KCNH2: variants seen among roughly 807,000 people sequenced by gnomAD.
KCNH2 encodes the protein potassium voltage-gated channel subfamily H member 2.
Under a neutral mutation model 95.9 loss-of-function variants are expected in KCNH2, and 35 were observed. That is an observed-to-expected ratio of 0.37 (90% CI 0.28 to 0.48). KCNH2 has a LOEUF of 0.48. KCNH2 is among the 20% of genes least tolerant of loss of function. The probability of loss-of-function intolerance (pLI) is 0.99; values close to 1 mark genes in which losing one functional copy is unlikely to be tolerated. For missense variants in KCNH2, 1,274 were observed against 1,702.9 expected (o/e 0.75, Z 4.43); for synonymous variants, 786 against 754.7 (o/e 1.04, Z -0.68).
rs906247314 is a variant in KCNH2, at chr7:150,952,191, G to T, written c.1557+234C>A. ...AATTAGAAAAAAAGGTGTCCTGTGT[G>T]GCCCTCTGCAACCTGCGAGGAGCTT... is the stretch of plus-strand genomic sequence containing the variant. On this transcript the variant is annotated intron_variant, in intron 6 of 14. Coordinates refer to ENST00000262186, the MANE Select transcript of KCNH2 (RefSeq NM_000238.4). This position sits in a 1 kb window ranked among gnomAD's most constrained non-coding sequence, Gnocchi z 7.3. 6.6e-6 allele frequency among the ~76,000 whole-genome samples: 1 copy of T among 152,222 alleles called. No individual in the cohort carries two copies. Among genetic ancestry groups the T allele is most frequent in the African/African-American group, 2.4e-5 (1 of 41,444 alleles).
chr7:150,966,055 G>T (rs952830730), intron 2 of KCNH2, among the ~76,000 whole-genome samples: 1 of 152,220 alleles, frequency 6.6e-6, no homozygotes, highest in African/African-American at 2.4e-5. Flanking sequence ...TGAGCACCCA[G>T]GAACCCAAGG....
chr7:150,950,444 C>T (rs1219013879), intron 8 of KCNH2, 24 bp from the exon 9 acceptor site: 1 of 1,609,096 alleles, frequency 6.2e-7, no homozygotes. Context: ...GGGGGCAGCT[C>T]AGCACACCCT....
chr7:150,972,609 A>G (rs1227795107), intron 2 of KCNH2, among the ~76,000 whole-genome samples: 1 of 152,240 alleles, frequency 6.6e-6, no homozygotes, highest in Admixed American at 6.5e-5. Flanking sequence ...AAGGGGACAG[A>G]CAGAGATTGC....
Position 150,951,519 on chromosome 7 carries a change from A to C in KCNH2, c.1874T>G (p.Val625Gly). Residue 625 changes from valine to glycine, a missense_variant, in exon 7 of 15, where the codon GTG (valine) becomes GGG (glycine). Physicochemically the swap from Val to Gly is moderately radical, Grantham distance 109 (BLOSUM62 -3). This residue lies in a region of KCNH2 where 147 missense variants were observed against 344.4 expected (regional missense o/e 0.43). Coordinates refer to ENST00000262186, the MANE Select transcript of KCNH2 (RefSeq NM_000238.4). ...LYFTFSSLTS[V>G]GFGNVSPNTN... ...GTTGGGAGAGACGTTGCCGAAGCCCACACTGGTGAGGCTGCTGAAGGTGAA... is the reference window on the plus strand; with the variant it reads ...GTTGGGAGAGACGTTGCCGAAGCCCCCACTGGTGAGGCTGCTGAAGGTGAA... 6.2e-7 allele frequency: 1 copy of C among 1,614,228 alleles called. No individual in the cohort carries two copies. Among genetic ancestry groups the C allele is most frequent in the Non-Finnish European group, 8.5e-7 (1 of 1,180,036 alleles).
rs1422642997 is a variant in KCNH2, at chr7:150,947,277, C to T, written c.3152+51G>A. The T allele has an allele frequency of 4.8e-6, 7 of 1,456,342 alleles. No homozygotes were observed. The South Asian group carries it at 7.4e-5, about 15-fold the overall frequency. The allele number at this position is 1,456,342 out of a possible 1,614,324, so 90.2% of individuals were successfully genotyped here. ...CCTCTACCAGACAACACCGCCAGGA[C>T]CTGGACCAGACTCCAGGGCGTGCCC... is the stretch of plus-strand genomic sequence containing the variant. On this transcript the variant is annotated intron_variant, in intron 13 of 14. Transcript: ENST00000262186.
At chr7:150,958,675 A>G (rs936596882) in intron 3 of KCNH2, among the ~76,000 whole-genome samples, 173 bp from the exon 4 acceptor site, 1 of 152,092 alleles carries the variant, frequency 6.6e-6, no homozygotes, top group African/African-American at 2.4e-5. Context: ...TCATTCTAGA[A>G]TCCAGTCATC....
At chr7:150,957,545 C>T (rs1215935696) in intron 4 of KCNH2, 43 bp from the exon 5 acceptor site, 1 of 1,485,332 alleles carries the variant, frequency 6.7e-7, no homozygotes. Flanking sequence ...GCCCAGGGCC[C>T]CAGGCCAGGC....
In KCNH2 at chr7:150,962,608, T is replaced by TAC. The variant is rs1478176119; in HGVS notation, c.308-2874_308-2873dup. Among the ~76,000 whole-genome samples, 4 of 109,784 alleles carry TAC rather than the reference T, an allele frequency of 3.6e-5. No homozygotes were observed. The highest frequency in any genetic ancestry group is 2.4e-4 in the East Asian group (1 of 4,148). The allele number at this position is 109,784 out of a possible 152,430, so 72.0% of individuals were successfully genotyped here. ...ACAGCACAAGCCTGTAACTCACACT[T>TAC]ACACACACACACGAGAGACAGAGAG... is the stretch of plus-strand genomic sequence containing the variant. On this transcript the variant is annotated intron_variant, in intron 2 of 14. Coordinates refer to ENST00000262186, the MANE Select transcript of KCNH2 (RefSeq NM_000238.4). The surrounding 1 kb of genome is among the most constrained non-coding windows in gnomAD (Gnocchi z 5.7).
intron 2 of KCNH2, 43 bp downstream of exon 2, chr7:150,974,666 CTT>C (rs755921614): frequency 1.4e-6 from 2 of 1,476,688 alleles, no homozygotes; most frequent in Admixed American, 3.9e-5. Context: ...TCCCGCCCCT[CTT>C]GACCCCGCCC....
In KCNH2 at chr7:150,962,627, CAG is replaced by C. The variant is rs41307331; in HGVS notation, c.308-2893_308-2892del. On this transcript the variant is annotated intron_variant, in intron 2 of 14. Transcript: ENST00000262186. This position sits in a 1 kb window ranked among gnomAD's most constrained non-coding sequence, Gnocchi z 5.7. ...CACACTTACACACACACACGAGAGA[CAG>C]AGAGAGAGAGAGAGAGAGAGAGAGG... 2.4e-3 allele frequency among the ~76,000 whole-genome samples: 351 copies of C among 146,032 alleles called. 2 individuals are homozygous for C. Among genetic ancestry groups the C allele is most frequent in the East Asian group, 5.5e-3 (27 of 4,942 alleles).
intron 12 of KCNH2, 22 bp downstream of exon 12, chr7:150,947,584 G>GGGATA (rs745572264): frequency 6.2e-7 from 1 of 1,610,584 alleles, no homozygotes; most frequent in Admixed American, 1.7e-5. Context: ...GTCCTCCCTC[G>GGGATA]CCCGCCCGTC....
rs367997739 is a variant in KCNH2, at chr7:150,951,129, G to A, written c.1946-9C>T. 94 of 1,591,856 alleles carry A rather than the reference G, an allele frequency of 5.9e-5. No homozygotes were observed. The African/African-American group carries it at 7.4e-4, about 12-fold the overall frequency. ...GCTAGCATACATGAGGGCTGGGGGC[G>A]TGGGCACGTGGGGCCGTCAGCCTCT... On this transcript the variant is annotated splice_polypyrimidine_tract_variant and intron_variant, in intron 7 of 14. Transcript: ENST00000262186.
chr7:150,953,233 G>A (rs1801251341), intron 5 of KCNH2, among the ~76,000 whole-genome samples: 1 of 152,204 alleles, frequency 6.6e-6, no homozygotes, highest in African/African-American at 2.4e-5. Flanking sequence ...AGACCGGAAA[G>A]GGTTCCAAGG....
At position 150,947,699 on chromosome 7, in the gene KCNH2, A is replaced by T; in HGVS notation, c.2872T>A (p.Phe958Ile). ...RSSSPLRLVP[F>I]SSPRPPGEPP... ...TCTCCGGGGGGCCTGGGGCTGGAGA[A>T]GGGCACCAGGCGGAGGGGGCTGGAG... Residue 958 changes from phenylalanine (F) to isoleucine (I), a missense_variant, in exon 12 of 15, where the codon TTC (phenylalanine) becomes ATC (isoleucine). This residue lies in a region of KCNH2 where 457 missense variants were observed against 416.1 expected (regional missense o/e 1.10). Transcript: ENST00000262186. The T allele has an allele frequency of 6.3e-7, 1 of 1,592,618 alleles. No individual in the cohort carries two copies.
chr7:150,948,407 TCCCCGCCCTCCCCCTTCCTCCCCTC>T lies in KCNH2; in HGVS notation c.2692+12_2692+36del. 8.2e-7 allele frequency: 1 copy of T among 1,219,264 alleles called. No homozygotes were observed. Among genetic ancestry groups the T allele is most frequent in the Non-Finnish European group, 1.2e-6 (1 of 863,068 alleles). 75.5% of individuals were successfully genotyped at this position (1,219,264 alleles called of 1,614,324 possible). On this transcript the variant is annotated intron_variant, in intron 11 of 14. Transcript: ENST00000262186. ...CCTTCCAGCTCCCAGCCTCACCTTG[TCCCCGCCCTCCCCCTTCCTCCCCTC>T]CCCCGCCTCACCCTTGTCCGTGCGC...
chr7:150,977,776 A>G, intron 1 of KCNH2, 62 bp downstream of exon 1: 2 of 835,574 alleles, frequency 2.4e-6, no homozygotes, highest in Non-Finnish European at 1.7e-6. Flanking sequence ...CCCCATCCAC[A>G]CTCGGAAGAG....
At chr7:150,966,362 T>C (rs1801701552) in intron 2 of KCNH2, among the ~76,000 whole-genome samples, 4 of 143,062 alleles carry the variant, frequency 2.8e-5, no homozygotes, top group East Asian at 2.1e-4. Context: ...GAGTTATAAT[T>C]CCTCATTGAT....
chr7:150,974,271 G>A (rs1387978916), intron 2 of KCNH2, among the ~76,000 whole-genome samples: 1 of 152,188 alleles, frequency 6.6e-6, no homozygotes, highest in Non-Finnish European at 1.5e-5. Flanking sequence ...TCCCAGACCT[G>A]TCACCTGGCA....
At chr7:150,957,258 G>C in intron 5 of KCNH2, 33 bp downstream of exon 5, 1 of 1,515,506 alleles carries the variant, frequency 6.6e-7, no homozygotes, top group Non-Finnish European at 9.0e-7. Context: ...GCTCCTCCAA[G>C]GTGAGAGGAG....
Sources: allele counts gnomAD v4.1 joint callset (sites outside exome capture counted in the v4.1 genomes callset), GRCh38; gene constraint gnomAD v4.1.1; regional missense constraint gnomAD v4.1.1; non-coding constraint Gnocchi (gnomAD v3.1); transcripts MANE v1.5; gene names NCBI Gene and HGNC (gene_info 2026-07-23, HGNC 2026-07-21).